The following SLIT3 variants were observed in gnomAD, a reference collection of about 807,000 sequenced individuals.
The protein encoded by SLIT3 is slit homolog 3 protein.
In SLIT3, 68 loss-of-function variants were observed where a neutral mutation model predicts 184.0. The ratio of observed to expected loss-of-function variants is 0.37; its 90% CI spans 0.30 to 0.45. SLIT3 has a LOEUF of 0.45. Ranked by LOEUF, SLIT3 falls within the 20% of genes least tolerant of loss-of-function variation. SLIT3 has a pLI of 1.00. For synonymous variants in SLIT3, 831 were observed against 828.6 expected, an observed-to-expected ratio of 1.00 and a Z score of -0.05; for missense variants, 1,707 against 2,026.0, an observed-to-expected ratio of 0.84 and a Z score of 3.02.
At chr5:168,693,191 A>G (rs1285725521) in intron 28 of SLIT3, among the ~76,000 whole-genome samples, 1 of 152,174 alleles carries the variant, frequency 6.6e-6, no homozygotes, top group Non-Finnish European at 1.5e-5. Context: ...TACAATACAG[A>G]CTTGTAGGTG....
At chr5:168,835,494 T>A (rs1373265630) in intron 6 of SLIT3, among the ~76,000 whole-genome samples, 1 of 147,660 alleles carries the variant, frequency 6.8e-6, no homozygotes, top group African/African-American at 2.5e-5. Flanking sequence ...AAAAAAAAAG[T>A]GTTGTTTTTT....
intron 4 of SLIT3, among the ~76,000 whole-genome samples, chr5:168,968,239 A>G (rs1433538075): frequency 2.0e-5 from 3 of 152,016 alleles, no homozygotes; most frequent in Admixed American, 2.0e-4. Context: ...CTCTCCTCCC[A>G]TGCCCTTGCT....
intron 1 of SLIT3, among the ~76,000 whole-genome samples, chr5:169,265,264 C>A (rs548700471): frequency 6.6e-6 from 1 of 152,168 alleles, no homozygotes; most frequent in Non-Finnish European, 1.5e-5. Context: ...GGCCTGCAGA[C>A]CTGCGTAGTC....
chr5:169,234,208 C>T (rs1168420209), intron 3 of SLIT3, among the ~76,000 whole-genome samples: 1 of 152,156 alleles, frequency 6.6e-6, no homozygotes, highest in African/African-American at 2.4e-5. Flanking sequence ...GCTCTACATC[C>T]TCCTTAGAGT....
At chr5:169,244,137 T>C (rs1765500049) in intron 3 of SLIT3, among the ~76,000 whole-genome samples, 1 of 152,378 alleles carries the variant, frequency 6.6e-6, no homozygotes. Context: ...GGCCTATTTT[T>C]AAACCACTGG....
chr5:169,292,363 C>A (rs1767386046), intron 1 of SLIT3, among the ~76,000 whole-genome samples: 1 of 152,124 alleles, frequency 6.6e-6, no homozygotes, highest in Non-Finnish European at 1.5e-5. Context: ...AAGCTAAAGT[C>A]ATTATGGAAA....
intron 3 of SLIT3, among the ~76,000 whole-genome samples, chr5:169,239,548 T>C (rs1765322091): frequency 6.6e-6 from 1 of 152,046 alleles, no homozygotes; most frequent in Non-Finnish European, 1.5e-5. Context: ...TTTCATTTAC[T>C]CTTTAAAATC....
At chr5:168,781,290 C>A (rs577932092) in intron 12 of SLIT3, among the ~76,000 whole-genome samples, 13 of 152,324 alleles carry the variant, frequency 8.5e-5, no homozygotes, top group Non-Finnish European at 8.8e-5. Context: ...GATCAAGTGA[C>A]CTCACCTGTG....
intron 4 of SLIT3, among the ~76,000 whole-genome samples, chr5:169,059,466 T>C (rs371970627): frequency 2.0e-5 from 3 of 152,172 alleles, no homozygotes; most frequent in Admixed American, 6.5e-5. Context: ...TCAAGTCGTT[T>C]ACCTGAGTTG....
intron 4 of SLIT3, among the ~76,000 whole-genome samples, chr5:169,035,243 G>A (rs1000779133): frequency 1.3e-4 from 20 of 152,124 alleles, no homozygotes; most frequent in African/African-American, 4.8e-4. Context: ...CCAGAGGAGA[G>A]GGTCATCTTG....
intron 5 of SLIT3, among the ~76,000 whole-genome samples, chr5:168,856,951 CG>C (rs1320032638): frequency 6.6e-6 from 1 of 151,946 alleles, no homozygotes; most frequent in Non-Finnish European, 1.5e-5. Flanking sequence ...GGGTGGGCTA[CG>C]GACGTGCGAC....
chr5:169,117,052 C>T (rs765699245), intron 4 of SLIT3, among the ~76,000 whole-genome samples: 9 of 152,172 alleles, frequency 5.9e-5, no homozygotes, highest in Non-Finnish European at 1.2e-4. Flanking sequence ...TTGGCTCCAC[C>T]AGGGACACAC....
intron 9 of SLIT3, among the ~76,000 whole-genome samples, chr5:168,806,133 T>TGCCATATG (rs1176476835): frequency 6.6e-6 from 1 of 152,190 alleles, no homozygotes; most frequent in Non-Finnish European, 1.5e-5. Context: ...TGCTCAATAC[T>TGCCATATG]GCCATATGAG....
At chr5:168,860,120 C>G (rs1396915515) in intron 5 of SLIT3, among the ~76,000 whole-genome samples, 2 of 152,042 alleles carry the variant, frequency 1.3e-5, no homozygotes, top group African/African-American at 4.8e-5. Flanking sequence ...TTGTAAAATG[C>G]CACCGTTGAA....
intron 4 of SLIT3, among the ~76,000 whole-genome samples, chr5:168,992,496 G>A (rs1242260283): frequency 6.6e-6 from 1 of 152,220 alleles, no homozygotes; most frequent in African/African-American, 2.4e-5. Context: ...ATTATAGATT[G>A]AATAGAGCCT....
chr5:168,848,215 A>G (rs944470667), intron 5 of SLIT3, among the ~76,000 whole-genome samples: 1 of 152,236 alleles, frequency 6.6e-6, no homozygotes, highest in Admixed American at 6.5e-5. Flanking sequence ...CCCAAGCCGT[A>G]TGGAATAAAG....
chr5:169,177,744 G>T (rs1197288552), intron 4 of SLIT3, among the ~76,000 whole-genome samples: 1 of 152,182 alleles, frequency 6.6e-6, no homozygotes, highest in African/African-American at 2.4e-5. Context: ...TGCCTAGAGG[G>T]TGGAGACTGG....
intron 4 of SLIT3, among the ~76,000 whole-genome samples, chr5:168,951,982 C>T (rs527770222): frequency 1.3e-5 from 2 of 152,320 alleles, no homozygotes; most frequent in African/African-American, 2.4e-5. Flanking sequence ...AGCATCCATG[C>T]TTACCGCCCT....
At chr5:169,069,436 AC>A (rs1479910235) in intron 4 of SLIT3, among the ~76,000 whole-genome samples, 1 of 152,170 alleles carries the variant, frequency 6.6e-6, no homozygotes, top group African/African-American at 2.4e-5. Flanking sequence ...CATTTGTTCC[AC>A]AGGCAGGGAG....
Sources: gnomAD v4.1 joint callset for allele counts (sites outside exome capture counted in the v4.1 genomes callset) on GRCh38, gnomAD v4.1.1 for gene constraint, MANE v1.5 for transcripts, NCBI Gene and HGNC (gene_info 2026-07-23, HGNC 2026-07-21) for gene names.